UNC79: variants seen among roughly 807,000 people sequenced by gnomAD.
UNC79 encodes protein unc-79 homolog.
A neutral mutation model predicts 283.1 loss-of-function variants in UNC79; 37 were observed. The observed-to-expected ratio is 0.13, with a 90% CI of 0.10 to 0.17. The LOEUF (loss-of-function observed/expected upper bound fraction) is 0.17, where lower values mean the gene tolerates loss of function less well. Among genes scored for constraint, UNC79 ranks in the 10% least tolerant of loss-of-function variants. UNC79 has a pLI of 1.00. For synonymous variants in UNC79, 1,107 were observed against 1,200.2 expected (o/e 0.92, Z 1.61); for missense variants, 2,272 against 3,211.1 (o/e 0.71, Z 7.07).
chr14:93,630,398 A>G (rs2067929198), intron 30 of UNC79, among the ~76,000 whole-genome samples: 1 of 152,244 alleles, frequency 6.6e-6, no homozygotes, highest in African/African-American at 2.4e-5. Flanking sequence ...TTGAGACGCA[A>G]ATGATAAGTA....
At position 93,528,332 on chromosome 14, in the gene UNC79, G is replaced by A. The variant is rs187243933; in HGVS notation, c.964-226G>A. Reference sequence around the variant, plus strand: ...ACACTATTTATTACTTGAATTGCAAGTTAACAGGAGAAATGAAAAACCACG... The same window carrying A: ...ACACTATTTATTACTTGAATTGCAAATTAACAGGAGAAATGAAAAACCACG... On this transcript the variant is annotated intron_variant, in intron 8 of 48. Coordinates refer to ENST00000555664, the Ensembl canonical transcript of UNC79. 1.6e-4 allele frequency among the ~76,000 whole-genome samples: 25 copies of A among 152,316 alleles called. No homozygotes were observed. In the East Asian group the frequency reaches 4.6e-3, roughly 28 times the overall value.
chr14:93,348,763 G>A (rs2053921135), intron 1 of UNC79, among the ~76,000 whole-genome samples: 2 of 152,148 alleles, frequency 1.3e-5, no homozygotes, highest in African/African-American at 4.8e-5. Flanking sequence ...GTTATCATGG[G>A]CAACATAGTT....
At chr14:93,484,669 A>T (rs1366989636) in intron 4 of UNC79, among the ~76,000 whole-genome samples, 1 of 152,170 alleles carries the variant, frequency 6.6e-6, no homozygotes, top group East Asian at 1.9e-4. Flanking sequence ...TCTATTGTTT[A>T]TAGTCTTGGC....
At chr14:93,515,189 T>A (rs1006691023) in intron 7 of UNC79, among the ~76,000 whole-genome samples, 27 of 152,074 alleles carry the variant, frequency 1.8e-4, no homozygotes, top group African/African-American at 5.1e-4. Flanking sequence ...TTTTGTAGCC[T>A]TTGACCAACA....
At chr14:93,596,643 A>G (rs1159505902) in intron 23 of UNC79, among the ~76,000 whole-genome samples, 1 of 152,202 alleles carries the variant, frequency 6.6e-6, no homozygotes, top group African/African-American at 2.4e-5. Flanking sequence ...TCAAAAAAAC[A>G]AAACAAAACC....
chr14:93,388,225 G>A (rs2054817107), intron 1 of UNC79, among the ~76,000 whole-genome samples: 1 of 151,928 alleles, frequency 6.6e-6, no homozygotes, highest in Non-Finnish European at 1.5e-5. Flanking sequence ...GATCCTTCTG[G>A]CTAAGCCTCC....
At chr14:93,599,397 C>A (rs1344013706) in intron 24 of UNC79, among the ~76,000 whole-genome samples, 2 of 151,390 alleles carry the variant, frequency 1.3e-5, no homozygotes, top group Non-Finnish European at 2.9e-5. Flanking sequence ...TGTGTGCATA[C>A]ACTGTCTCCC....
At chr14:93,448,171 CTTTT>C (rs57584416) in intron 1 of UNC79, among the ~76,000 whole-genome samples, 1 of 131,116 alleles carries the variant, frequency 7.6e-6, no homozygotes, top group East Asian at 2.2e-4. Context: ...AGACTCGGTT[CTTTT>C]TTTTTTTTTT....
chr14:93,641,631 T>C (rs1354674151), intron 33 of UNC79, among the ~76,000 whole-genome samples: 1 of 152,002 alleles, frequency 6.6e-6, no homozygotes, highest in African/African-American at 2.4e-5. Flanking sequence ...CCTGCCTGGG[T>C]GATAGAGTGA....
intron 1 of UNC79, among the ~76,000 whole-genome samples, chr14:93,448,901 T>G (rs2140161015): frequency 6.6e-6 from 1 of 152,364 alleles, no homozygotes; most frequent in Non-Finnish European, 1.5e-5. Flanking sequence ...TGTTCGTTTT[T>G]AGAATCTGCT....
intron 14 of UNC79, among the ~76,000 whole-genome samples, chr14:93,545,347 C>A (rs2061547193): frequency 6.6e-6 from 1 of 152,098 alleles, no homozygotes; most frequent in African/African-American, 2.4e-5. Context: ...GGTAATTGAC[C>A]ACTTAGGGCT....
In UNC79 at chr14:93,418,967, G is replaced by A. The variant is rs569907652; in HGVS notation, c.-350-48704G>A. Among the ~76,000 whole-genome samples the A allele has an allele frequency of 4.6e-5, 7 of 151,938 alleles. 1 individual carries two copies. In the South Asian group the frequency reaches 1.5e-3, roughly 32 times the overall value. ...AGGAAAGGGAACTCCCTGACCCCTT[G>A]CGTTTCCCGAGTGAGGCAATGCATC... On this transcript the variant is annotated intron_variant, in intron 1 of 49. Coordinates refer to the UNC79 transcript ENST00000256339.
intron 8 of UNC79, among the ~76,000 whole-genome samples, chr14:93,524,776 C>T (rs1022968187): frequency 2.6e-5 from 4 of 152,122 alleles, no homozygotes; most frequent in African/African-American, 9.7e-5. Flanking sequence ...CTGGATGAAC[C>T]TGTGTCTGGA....
intron 1 of UNC79, among the ~76,000 whole-genome samples, chr14:93,357,284 G>A (rs1044180640): frequency 6.6e-6 from 1 of 152,064 alleles, no homozygotes; most frequent in African/African-American, 2.4e-5. Flanking sequence ...CCACTAATGG[G>A]CATTGTGATG....
chr14:93,409,431 C>T (rs571790379), intron 1 of UNC79, among the ~76,000 whole-genome samples: 2 of 152,130 alleles, frequency 1.3e-5, no homozygotes, highest in Non-Finnish European at 2.9e-5. Flanking sequence ...TGGCTCATAC[C>T]TATAATTCCA....
chr14:93,598,443 A>C (rs553532378), intron 24 of UNC79, among the ~76,000 whole-genome samples: 1 of 151,394 alleles, frequency 6.6e-6, no homozygotes, highest in South Asian at 2.1e-4. Context: ...TTTATCTTAC[A>C]CCACTTAGCT....
At chr14:93,671,305 C>A (rs2072825860) in intron 40 of UNC79, among the ~76,000 whole-genome samples, 2 of 151,828 alleles carry the variant, frequency 1.3e-5, no homozygotes, top group South Asian at 4.2e-4. Context: ...TAATAAATAC[C>A]AGATTCAGAA....
At chr14:93,542,589 G>A in exon 14 of UNC79, 1 of 1,614,194 alleles carries the variant, frequency 6.2e-7, no homozygotes, top group African/African-American at 1.3e-5. Context: ...AAGTCTGGTG[G>A]AAAAGCTGAA....
At position 93,629,670 on chromosome 14, in the gene UNC79, G is replaced by T. The variant is rs143620456; in HGVS notation, c.5609-1131G>T. Among the ~76,000 whole-genome samples, 61 of 152,300 alleles carry T rather than the reference G, an allele frequency of 4.0e-4. 1 individual carries two copies. The East Asian group carries it at 0.011, about 27-fold the overall frequency. On this transcript the variant is annotated intron_variant, in intron 30 of 48. Coordinates refer to ENST00000555664, the Ensembl canonical transcript of UNC79. ...TGTTCTATAGTTTAGCAAGTTTAATGATCATCTAATAATAGAATGGCATTT... is the reference window on the plus strand; with the variant it reads ...TGTTCTATAGTTTAGCAAGTTTAATTATCATCTAATAATAGAATGGCATTT...
Sources: allele counts gnomAD v4.1 joint callset (sites outside exome capture counted in the v4.1 genomes callset), GRCh38; gene constraint gnomAD v4.1.1; transcripts MANE v1.5; gene names NCBI Gene and HGNC (gene_info 2026-07-23, HGNC 2026-07-21).